ADH7: variants seen among roughly 807,000 people sequenced by gnomAD.
The protein encoded by ADH7 is all-trans-retinol dehydrogenase [NAD(+)] ADH7.
ADH7 carries 41 observed loss-of-function variants against 34.4 expected under a neutral mutation model. That is an observed-to-expected ratio of 1.19 (90% CI 0.93 to 1.55). The LOEUF (loss-of-function observed/expected upper bound fraction) is 1.55, where lower values mean the gene tolerates loss of function less well. Among genes scored for constraint, ADH7 ranks in the 40% most tolerant of loss-of-function variants. The pLI, the probability that ADH7 is intolerant of heterozygous loss-of-function variation, is 0.00. For missense variants in ADH7, 540 were observed against 461.2 expected, an observed-to-expected ratio of 1.17 and a Z score of -1.56; for synonymous variants, 180 against 160.9, an observed-to-expected ratio of 1.12 and a Z score of -0.90.
At chr4:99,434,174 T>C (rs1017556860) in intron 1 of ADH7, among the ~76,000 whole-genome samples, 5 of 152,178 alleles carry the variant, frequency 3.3e-5, no homozygotes, top group Middle Eastern at 3.2e-3. Flanking sequence ...AGAAATAGTG[T>C]AACCAGACCT....
At chr4:99,432,363 T>A (rs1253364576) in intron 1 of ADH7, among the ~76,000 whole-genome samples, 1 of 152,022 alleles carries the variant, frequency 6.6e-6, no homozygotes, top group Non-Finnish European at 1.5e-5. Flanking sequence ...ACCAATTAGG[T>A]ACCATGCTTA....
chr4:99,430,999 C>T (rs192015222), intron 1 of ADH7, among the ~76,000 whole-genome samples: 2 of 152,124 alleles, frequency 1.3e-5, no homozygotes, highest in Non-Finnish European at 2.9e-5. Context: ...AGGGTTTCAC[C>T]ATGTTGGCCA....
intron 5 of ADH7, among the ~76,000 whole-genome samples, chr4:99,425,035 G>T (rs1240154066): frequency 2.0e-5 from 3 of 151,854 alleles, no homozygotes; most frequent in Non-Finnish European, 4.4e-5. Flanking sequence ...CACCAGGCCT[G>T]CCCTAAAAGA....
intron 2 of ADH7, 90 bp downstream of exon 2, chr4:99,429,442 C>T: frequency 1.2e-6 from 1 of 857,964 alleles, no homozygotes; most frequent in Non-Finnish European, 1.8e-6. Context: ...GAAGCATCTC[C>T]TTATTTAAGA....
At chr4:99,431,097 C>T (rs962689617) in intron 1 of ADH7, among the ~76,000 whole-genome samples, 2 of 151,906 alleles carry the variant, frequency 1.3e-5, no homozygotes, top group Non-Finnish European at 2.9e-5. Context: ...TGTGCCTGGC[C>T]CAAGATTTAT....
intron 6 of ADH7, among the ~76,000 whole-genome samples, chr4:99,419,809 T>C (rs1349570314): frequency 6.6e-6 from 1 of 152,178 alleles, no homozygotes; most frequent in African/African-American, 2.4e-5. Context: ...GAAAGAAATA[T>C]GACAGCAATG....
Position 99,419,002 on chromosome 4 carries a change from C to G in ADH7, c.945G>C (p.Lys315Asn). Residue 315 changes from lysine to asparagine, a missense_variant, in exon 7 of 9, where the codon AAG (lysine) becomes AAC (asparagine). Lys to Asn is a moderately conservative substitution (Grantham distance 94). Transcript: ENST00000437033. ...TTTCCTGACCTCCAAAGACACATCC[C>G]TTCCATGTGCGTCCAGTGAAGAGCA... ...PMLLFTGRTWKGCVFGGLKSR... is the reference protein window; with the variant it reads ...PMLLFTGRTWNGCVFGGLKSR... The G allele has an allele frequency of 6.2e-7, 1 of 1,613,782 alleles. No individual in the cohort carries two copies. The highest frequency in any genetic ancestry group is 8.5e-7 in the Non-Finnish European group (1 of 1,179,814).
rs4147554 is a variant in ADH7 at position 99,412,909 on chromosome 4, A to G, written c.*239T>C. On this transcript the variant is annotated 3_prime_UTR_variant, in exon 9 of 9. Transcript: ENST00000437033. ...GTATGTTTTCTTAAAAGATACAATTATAGCCTTACAAAATGTAAATCAAAA... is the reference window on the plus strand; with the variant it reads ...GTATGTTTTCTTAAAAGATACAATTGTAGCCTTACAAAATGTAAATCAAAA... The G allele has an allele frequency of 0.16, 65,819 of 422,516 alleles. 6,128 individuals are homozygous for G. Among genetic ancestry groups the G allele is most frequent in the Middle Eastern group, 0.2 (389 of 1,906 alleles). 26.2% of individuals were successfully genotyped at this position (422,516 alleles called of 1,614,324 possible).
At chr4:99,420,511 C>T (rs375206978) in intron 6 of ADH7, 22 bp downstream of exon 6, 16 of 1,605,988 alleles carry the variant, frequency 1.0e-5, no homozygotes, top group Non-Finnish European at 1.3e-5. Flanking sequence ...TATTTTGTGG[C>T]TTCTCAAATT....
chr4:99,412,987 T>C lies in ADH7; in HGVS notation c.*161A>G. 1 of 601,548 alleles carries C rather than the reference T, an allele frequency of 1.7e-6. No homozygotes were observed. Among genetic ancestry groups the C allele is most frequent in the East Asian group, 3.0e-5 (1 of 32,912 alleles). 37.3% of individuals were successfully genotyped at this position (601,548 alleles called of 1,614,324 possible). Reference sequence around the variant, plus strand: ...CCAGGTGCTCACAAGACTTTAAATGTTTATAAAGGTTAATAATTCTTTATA... The same window carrying C: ...CCAGGTGCTCACAAGACTTTAAATGCTTATAAAGGTTAATAATTCTTTATA... On this transcript the variant is annotated 3_prime_UTR_variant, in exon 9 of 9. Coordinates refer to ENST00000437033, the MANE Select transcript of ADH7 (RefSeq NM_000673.7).
intron 1 of ADH7, among the ~76,000 whole-genome samples, chr4:99,433,899 A>G (rs569511973): frequency 4.6e-5 from 7 of 152,182 alleles, no homozygotes; most frequent in Non-Finnish European, 8.8e-5. Flanking sequence ...TTTTTAATGA[A>G]AAAGAAAACA....
chr4:99,417,770 G>A (rs991628081), intron 7 of ADH7, among the ~76,000 whole-genome samples: 4 of 152,094 alleles, frequency 2.6e-5, no homozygotes, highest in African/African-American at 9.7e-5. Flanking sequence ...CTGAATAACT[G>A]AATTTTACCT....
At chr4:99,422,187 C>T (rs989321137) in intron 5 of ADH7, among the ~76,000 whole-genome samples, 1 of 151,818 alleles carries the variant, frequency 6.6e-6, no homozygotes, top group East Asian at 1.9e-4. Context: ...CATTCCACTG[C>T]AAAGACACAT....
At chr4:99,417,361 G>A (rs930575564) in intron 7 of ADH7, among the ~76,000 whole-genome samples, 3 of 151,992 alleles carry the variant, frequency 2.0e-5, no homozygotes, top group Admixed American at 6.5e-5. Context: ...CCGTTCTTAT[G>A]GTTCTTGCCA....
chr4:99,419,931 C>T (rs1022513423), intron 6 of ADH7, among the ~76,000 whole-genome samples: 7 of 152,136 alleles, frequency 4.6e-5, no homozygotes, highest in African/African-American at 9.7e-5. Context: ...TCTCTTTACG[C>T]TATGCCAGGT....
In ADH7 at chr4:99,419,017, A is replaced by G. The variant is rs767054835; in HGVS notation, c.930T>C (p.Thr310=). 1.2e-6 allele frequency: 2 copies of G among 1,613,754 alleles called. No individual in the cohort carries two copies. The highest frequency in any genetic ancestry group is 1.7e-6 in the Non-Finnish European group (2 of 1,179,870). ...MLTYDPMLLF[T]GRTWKGCVFG... is the part of the protein sequence containing the mutation. ...AGACACATCCCTTCCATGTGCGTCC[A>G]GTGAAGAGCAACATCGGGTCATAGG... Residue 310 remains threonine, a synonymous_variant, in exon 7 of 9, where the codon ACT becomes ACC. Coordinates refer to ENST00000437033, the MANE Select transcript of ADH7 (RefSeq NM_000673.7).
At chr4:99,421,768 T>C (rs1333140700) in intron 5 of ADH7, among the ~76,000 whole-genome samples, 1 of 152,134 alleles carries the variant, frequency 6.6e-6, no homozygotes, top group East Asian at 1.9e-4. Context: ...AAAGGTCTAA[T>C]ATGCAGAATT....
chr4:99,431,714 G>GA (rs1225941966), intron 1 of ADH7, among the ~76,000 whole-genome samples: 3 of 152,096 alleles, frequency 2.0e-5, no homozygotes, highest in African/African-American at 7.2e-5. Context: ...ACAAGCATAT[G>GA]AAAAAATACT....
At chr4:99,428,328 T>G (rs887851198) in intron 3 of ADH7, among the ~76,000 whole-genome samples, 154 bp from the exon 4 acceptor site, 7 of 152,138 alleles carry the variant, frequency 4.6e-5, no homozygotes, top group African/African-American at 1.7e-4. Context: ...AAGGTTGAGG[T>G]TTTGCCAAAT....
Sources: gnomAD v4.1 joint callset for allele counts (sites outside exome capture counted in the v4.1 genomes callset) on GRCh38, gnomAD v4.1.1 for gene constraint, MANE v1.5 for transcripts, NCBI Gene and HGNC (gene_info 2026-07-23, HGNC 2026-07-21) for gene names.